Variants in KLF7 observed in about 807,000 individuals in gnomAD.
KLF7 encodes the protein Krueppel-like factor 7.
In KLF7, 2 loss-of-function variants were observed where a neutral mutation model predicts 27.3. The ratio of observed to expected loss-of-function variants is 0.07; its 90% CI spans 0.03 to 0.23. The LOEUF is 0.23. Among genes scored for constraint, KLF7 ranks in the 10% least tolerant of loss-of-function variants. KLF7 has a pLI of 1.00. For synonymous variants in KLF7, 165 were observed against 162.4 expected (o/e 1.02, Z -0.12); for missense variants, 221 against 394.1 (o/e 0.56, Z 3.72).
intron 1 of KLF7, among the ~76,000 whole-genome samples, chr2:207,144,660 C>A (rs1443379240): frequency 2.6e-5 from 4 of 152,142 alleles, no homozygotes; most frequent in Non-Finnish European, 5.9e-5. Flanking sequence ...GGTCATCCTG[C>A]CACTATCCCC....
intron 1 of KLF7, among the ~76,000 whole-genome samples, chr2:207,154,119 G>A (rs2078317539): frequency 1.3e-5 from 2 of 152,106 alleles, no homozygotes; most frequent in Admixed American, 6.5e-5. Flanking sequence ...GTATGTGAGT[G>A]CTTCCATTAT....
intron 1 of KLF7, among the ~76,000 whole-genome samples, chr2:207,138,041 C>A (rs569132831): frequency 1.3e-5 from 2 of 152,288 alleles, no homozygotes; most frequent in African/African-American, 4.8e-5. Context: ...CTCACTTAAC[C>A]TTAGGTGGCT....
At chr2:207,133,466 G>A in intron 1 of KLF7, among the ~76,000 whole-genome samples, 1 of 152,214 alleles carries the variant, frequency 6.6e-6, no homozygotes, top group East Asian at 1.9e-4. Context: ...AAAAGGAGAG[G>A]ACTCTAAGCA....
At position 207,165,697 on chromosome 2, in the gene KLF7, T is replaced by C. The variant is rs151289944; in HGVS notation, c.-129A>G. On this transcript the variant is annotated 5_prime_UTR_variant, in exon 1 of 4. Transcript: ENST00000309446. ...CCAGTGGCCCTTTTGTTTTGTTTTG[T>C]TTCAGTCAACTAAAAAGGAAAAAAA... 7.8e-4 allele frequency: 1,163 copies of C among 1,499,754 alleles called. 7 individuals are homozygous for C. The African/African-American group carries it at 0.015, about 19-fold the overall frequency. 92.9% of individuals were successfully genotyped at this position (1,499,754 alleles called of 1,614,324 possible). A position where few individuals can be genotyped will look rare whatever the true frequency, so the allele number is the denominator to read the frequency against.
At chr2:207,111,287 T>C (rs1355685094) in intron 2 of KLF7, among the ~76,000 whole-genome samples, 1 of 152,116 alleles carries the variant, frequency 6.6e-6, no homozygotes, top group African/African-American at 2.4e-5. Context: ...CTTCTTAGCC[T>C]CAGAAGTTCT....
intron 2 of KLF7, among the ~76,000 whole-genome samples, chr2:207,093,187 G>A (rs1212814505): frequency 6.6e-6 from 1 of 152,132 alleles, no homozygotes; most frequent in African/African-American, 2.4e-5. Context: ...TCTGCAAAGG[G>A]TTCCACAGGT....
At chr2:207,135,574 A>T (rs1233381746) in intron 1 of KLF7, among the ~76,000 whole-genome samples, 2 of 152,188 alleles carry the variant, frequency 1.3e-5, no homozygotes, top group Non-Finnish European at 2.9e-5. Context: ...TTGTCAAATG[A>T]ATGAATGAAT....
chr2:207,126,429 C>T (rs1009318373), intron 1 of KLF7, among the ~76,000 whole-genome samples: 3 of 152,132 alleles, frequency 2.0e-5, no homozygotes, highest in East Asian at 3.9e-4. Context: ...ATCATTCTAC[C>T]TCTTCTACTC....
At chr2:207,091,712 G>A (rs139780831) in intron 2 of KLF7, among the ~76,000 whole-genome samples, 45 of 152,302 alleles carry the variant, frequency 3.0e-4, no homozygotes, top group African/African-American at 1.0e-3. Flanking sequence ...CAGGAATTGT[G>A]GAGTTAGACT....
chr2:207,143,684 G>A (rs1366636677), intron 1 of KLF7, among the ~76,000 whole-genome samples: 1 of 152,182 alleles, frequency 6.6e-6, no homozygotes, highest in Non-Finnish European at 1.5e-5. Flanking sequence ...ATTTGGCTAT[G>A]GAGCTACTGC....
At chr2:207,134,160 T>TTTTA (rs1256023186) in intron 1 of KLF7, 11 of 1,475,194 alleles carry the variant, frequency 7.5e-6, no homozygotes, top group Non-Finnish European at 9.8e-6. Flanking sequence ...TGGGATTTTT[T>TTTTA]TTTTTTTTTT....
intron 2 of KLF7, among the ~76,000 whole-genome samples, chr2:207,114,077 C>CA (rs936198805): frequency 6.6e-6 from 1 of 152,062 alleles, no homozygotes; most frequent in Non-Finnish European, 1.5e-5. Context: ...GCAAGTGAAA[C>CA]AAAAAAATTT....
intron 1 of KLF7, among the ~76,000 whole-genome samples, chr2:207,126,196 A>G (rs940037209): frequency 2.0e-5 from 3 of 152,024 alleles, no homozygotes; most frequent in African/African-American, 4.8e-5. Flanking sequence ...CCCCTTCCTT[A>G]TTCCATCTCA....
chr2:207,113,612 G>C (rs1002033592), intron 2 of KLF7, among the ~76,000 whole-genome samples: 3 of 131,272 alleles, frequency 2.3e-5, no homozygotes, highest in Non-Finnish European at 3.4e-5. Flanking sequence ...GGGGGTGGGG[G>C]GGGGGGGGAA....
chr2:207,102,363 C>A (rs756596023), intron 2 of KLF7, among the ~76,000 whole-genome samples: 34 of 151,974 alleles, frequency 2.2e-4, no homozygotes, highest in Non-Finnish European at 4.3e-4. Context: ...AGGAAAATGT[C>A]AATGTAATGT....
upstream of KLF7, among the ~76,000 whole-genome samples, chr2:207,172,000 G>A (rs746104170): frequency 2.6e-5 from 4 of 152,158 alleles, no homozygotes; most frequent in African/African-American, 4.8e-5. Flanking sequence ...GTAAAGCACC[G>A]GTTGGGGCCC....
chr2:207,085,703 A>C (rs962408863), intron 3 of KLF7, among the ~76,000 whole-genome samples: 4 of 152,224 alleles, frequency 2.6e-5, no homozygotes, highest in Non-Finnish European at 4.4e-5. Flanking sequence ...TAAGGCATGG[A>C]TACAAAGAAG....
intron 2 of KLF7, among the ~76,000 whole-genome samples, chr2:207,106,572 T>A (rs1457996172): frequency 2.0e-5 from 3 of 151,932 alleles, no homozygotes; most frequent in Non-Finnish European, 4.4e-5. Context: ...CGAAAAAAAA[T>A]GGTCAATCAA....
At chr2:207,092,149 C>T (rs984761139) in intron 2 of KLF7, among the ~76,000 whole-genome samples, 9 of 152,218 alleles carry the variant, frequency 5.9e-5, no homozygotes, top group Non-Finnish European at 1.2e-4. Context: ...TGGCCTTGCA[C>T]AACACTATGC....
Sources: allele counts gnomAD v4.1 joint callset (sites outside exome capture counted in the v4.1 genomes callset), GRCh38; gene constraint gnomAD v4.1.1; transcripts MANE v1.5; gene names NCBI Gene and HGNC (gene_info 2026-07-23, HGNC 2026-07-21).